SHLD1: variants seen among roughly 807,000 people sequenced by gnomAD.
The protein encoded by SHLD1 is shieldin complex subunit 1.
Under a neutral mutation model 5.5 loss-of-function variants are expected in SHLD1, and 3 were observed. The ratio of observed to expected loss-of-function variants is 0.54; its 90% CI spans 0.25 to 1.40. The LOEUF (loss-of-function observed/expected upper bound fraction) is 1.40. Ranked by LOEUF, SHLD1 falls within the 40% of genes most tolerant of loss-of-function variation. The pLI, the probability that SHLD1 is intolerant of heterozygous loss-of-function variation, is 0.15. For missense variants in SHLD1, 210 were observed against 244.4 expected (o/e 0.86, Z 0.94); for synonymous variants, 92 against 94.3 (o/e 0.98, Z 0.14).
In SHLD1 at chr20:5,803,888, T is replaced by TA. The variant is rs747359736; in HGVS notation, c.178+30857dup. 5.5e-3 allele frequency among the ~76,000 whole-genome samples: 706 copies of TA among 127,894 alleles called. 8 individuals are homozygous for TA. The highest frequency in any genetic ancestry group is 0.023 in the East Asian group (112 of 4,782). The allele number at this position is 127,894 out of a possible 152,430, so 83.9% of individuals were successfully genotyped here. ...TCTGTCTCAAAAAAATAAAAAAGATTAAAAAAAAAAAACAAAACAAGAATG... is the reference window on the plus strand; with the variant it reads ...TCTGTCTCAAAAAAATAAAAAAGATTAAAAAAAAAAAAACAAAACAAGAATG... On this transcript the variant is annotated intron_variant, in intron 2 of 2. Coordinates refer to ENST00000303142, the MANE Select transcript of SHLD1 (RefSeq NM_152504.4).
chr20:5,846,100 C>T (rs1054185787), intron 2 of SHLD1, among the ~76,000 whole-genome samples: 1 of 152,202 alleles, frequency 6.6e-6, no homozygotes, highest in Admixed American at 6.5e-5. Context: ...GTTACCTTCT[C>T]TGGGAAAGGC....
rs190978227 is a variant in SHLD1 at position 5,855,270 on chromosome 20, A to G, written c.179-7754A>G. Among the ~76,000 whole-genome samples the G allele has an allele frequency of 1.9e-4, 29 of 152,286 alleles. No homozygotes were observed. In the East Asian group the frequency reaches 5.6e-3, roughly 29 times the overall value. ...GTGGCTGGCTTATTTCACTTAGCAT[A>G]ATGTCCTCAGGGTTCGTTCATGTTG... On this transcript the variant is annotated intron_variant, in intron 2 of 2. Coordinates refer to ENST00000303142, the MANE Select transcript of SHLD1 (RefSeq NM_152504.4). The surrounding 1 kb of genome is among the most constrained non-coding windows in gnomAD (Gnocchi z 4.4).
chr20:5,830,253 G>T (rs942873430), intron 2 of SHLD1, among the ~76,000 whole-genome samples: 1 of 152,214 alleles, frequency 6.6e-6, no homozygotes, highest in Non-Finnish European at 1.5e-5. Context: ...AAATGGTAGT[G>T]TGTTCACATC....
intron 1 of SHLD1, among the ~76,000 whole-genome samples, chr20:5,771,547 C>T (rs1373192813): frequency 2.0e-5 from 3 of 152,064 alleles, no homozygotes; most frequent in Non-Finnish European, 4.4e-5. Context: ...CTGTTCATAT[C>T]TTCCACGCAC....
chr20:5,829,739 T>G (rs1568522865), intron 2 of SHLD1, among the ~76,000 whole-genome samples: 2 of 152,238 alleles, frequency 1.3e-5, no homozygotes, highest in Admixed American at 1.3e-4. Context: ...TGGTTGGGTT[T>G]GTATGAATAA....
chr20:5,826,373 A>G (rs2087665261), intron 2 of SHLD1, among the ~76,000 whole-genome samples: 1 of 151,942 alleles, frequency 6.6e-6, no homozygotes, highest in Non-Finnish European at 1.5e-5. Flanking sequence ...TAATTGTAAT[A>G]TGTTTGAATG....
At chr20:5,774,552 C>T (rs1029991893) in intron 2 of SHLD1, among the ~76,000 whole-genome samples, 8 of 152,030 alleles carry the variant, frequency 5.3e-5, no homozygotes, top group East Asian at 1.9e-4. Context: ...GCAGGCTGTA[C>T]GGGAAGCATA....
intron 2 of SHLD1, among the ~76,000 whole-genome samples, chr20:5,789,096 C>G (rs2087101921): frequency 6.6e-6 from 1 of 151,482 alleles, no homozygotes; most frequent in Non-Finnish European, 1.5e-5. Flanking sequence ...CCACTGCACT[C>G]CAGCCTGGGA....
At position 5,779,019 on chromosome 20, in the gene SHLD1, A is replaced by G. The variant is rs149931085; in HGVS notation, c.178+5976A>G. On this transcript the variant is annotated intron_variant, in intron 2 of 2. Transcript: ENST00000303142. ...GAAATTCAAGACCAGCCTGGACAAC[A>G]TGGTGAAATCTCATCTCTACTAAAA... 5.4e-3 allele frequency among the ~76,000 whole-genome samples: 825 copies of G among 152,240 alleles called. 9 individuals carry two copies. Among genetic ancestry groups the G allele is most frequent in the African/African-American group, 0.019 (781 of 41,542 alleles).
At chr20:5,833,739 A>T (rs2087757529) in intron 2 of SHLD1, among the ~76,000 whole-genome samples, 1 of 152,066 alleles carries the variant, frequency 6.6e-6, no homozygotes, top group South Asian at 2.1e-4. Flanking sequence ...TTTTCTGGAA[A>T]AGAGAAAAGA....
chr20:5,774,850 G>T (rs73594824), intron 2 of SHLD1, among the ~76,000 whole-genome samples: 1,714 of 152,238 alleles, frequency 0.011, 26 homozygotes, highest in African/African-American at 0.039. Context: ...CCAAGAATTA[G>T]ATAATTCTTT....
At chr20:5,753,734 C>T (rs937722795) in intron 1 of SHLD1, among the ~76,000 whole-genome samples, 3 of 152,132 alleles carry the variant, frequency 2.0e-5, no homozygotes, top group Non-Finnish European at 4.4e-5. Flanking sequence ...GTGGGATGGC[C>T]AGCCTCTTAG....
Position 5,855,513 on chromosome 20 carries a change from A to C in SHLD1, c.179-7511A>C, listed in dbSNP as rs2088071259. ...CAGCCACCCGAGTAGCTGGGACTAC[A>C]GGTGCATGTCACCACGCCTGGCTAA... On this transcript the variant is annotated intron_variant, in intron 2 of 2. Coordinates refer to ENST00000303142, the MANE Select transcript of SHLD1 (RefSeq NM_152504.4). The surrounding 1 kb of genome is among the most constrained non-coding windows in gnomAD (Gnocchi z 4.4). Among the ~76,000 whole-genome samples, 1 of 152,142 alleles carries C rather than the reference A, an allele frequency of 6.6e-6. No individual in the cohort carries two copies. The highest frequency in any genetic ancestry group is 2.1e-4 in the South Asian group (1 of 4,830).
At chr20:5,844,794 TA>T (rs60830796) in intron 2 of SHLD1, among the ~76,000 whole-genome samples, 2,799 of 99,188 alleles carry the variant, frequency 0.028, 95 homozygotes, top group African/African-American at 0.12. Flanking sequence ...TATATATATA[TA>T]TATATTTTTT....
chr20:5,855,426 C>G lies in SHLD1; in HGVS notation c.179-7598C>G, dbSNP rs1331953148. 6.6e-6 allele frequency among the ~76,000 whole-genome samples: 1 copy of G among 152,230 alleles called. No homozygotes were observed. Among genetic ancestry groups the G allele is most frequent in the East Asian group, 1.9e-4 (1 of 5,184 alleles). ...TCGCTCTGTCACCTAGACTGGAGTA[C>G]AGTGGGATGATCTTGGCTCATGGCA... On this transcript the variant is annotated intron_variant, in intron 2 of 2. Coordinates refer to ENST00000303142, the MANE Select transcript of SHLD1 (RefSeq NM_152504.4). The surrounding 1 kb of genome is among the most constrained non-coding windows in gnomAD (Gnocchi z 4.4).
chr20:5,844,770 C>CAT (rs150675433), intron 2 of SHLD1, among the ~76,000 whole-genome samples: 1,238 of 100,950 alleles, frequency 0.012, 13 homozygotes, highest in Non-Finnish European at 0.015. Context: ...GTGTAGTAGA[C>CAT]ATATATATAT....
At chr20:5,773,420 T>C (rs532450392) in intron 2 of SHLD1, 1 of 485,150 alleles carries the variant, frequency 2.1e-6, no homozygotes, top group East Asian at 3.3e-5. Flanking sequence ...TTATGTGTGA[T>C]GAGTAATAAA....
intron 2 of SHLD1, among the ~76,000 whole-genome samples, chr20:5,846,624 G>C (rs539344636): frequency 1.3e-5 from 2 of 152,334 alleles, no homozygotes; most frequent in South Asian, 4.1e-4. Context: ...AAGTGTTTCA[G>C]TGAAGCTCCT....
intron 2 of SHLD1, among the ~76,000 whole-genome samples, chr20:5,834,619 C>T (rs1028661756): frequency 3.6e-4 from 55 of 152,278 alleles, no homozygotes; most frequent in African/African-American, 1.3e-3. Context: ...TCATCCCATC[C>T]TCTTACAGTT....
Sources: allele counts gnomAD v4.1 joint callset (sites outside exome capture counted in the v4.1 genomes callset), GRCh38; gene constraint gnomAD v4.1.1; non-coding constraint Gnocchi (gnomAD v3.1); transcripts MANE v1.5; gene names NCBI Gene and HGNC (gene_info 2026-07-23, HGNC 2026-07-21).